The following IQCB1 variants were observed in gnomAD, a reference collection of about 807,000 sequenced individuals.
IQCB1 encodes IQ calmodulin-binding motif-containing protein 1.
In IQCB1, 56 loss-of-function variants were observed where a neutral mutation model predicts 84.4. That is an observed-to-expected ratio of 0.66 (90% confidence interval 0.54 to 0.83). The LOEUF (loss-of-function observed/expected upper bound fraction) is 0.83, where lower values mean the gene tolerates loss of function less well. Among genes scored for constraint, IQCB1 ranks in the 40% least tolerant of loss-of-function variants. The pLI, the probability that IQCB1 is intolerant of heterozygous loss-of-function variation, is 0.00. For missense variants in IQCB1, 629 were observed against 682.1 expected (o/e 0.92, Z 0.87); for synonymous variants, 210 against 234.8 (o/e 0.89, Z 0.96).
intron 8 of IQCB1, 121 bp from the exon 9 acceptor site, chr3:121,797,348 A>G (rs561526500): frequency 1.9e-6 from 1 of 534,382 alleles, no homozygotes; most frequent in African/African-American, 2.0e-5. Flanking sequence ...AACAAGATTA[A>G]TCATATGATT....
chr3:121,794,594 A>G (rs1949107466), intron 10 of IQCB1, among the ~76,000 whole-genome samples: 1 of 152,102 alleles, frequency 6.6e-6, no homozygotes, highest in African/African-American at 2.4e-5. Flanking sequence ...AATATTTAAA[A>G]TCCATCTTTA....
intron 5 of IQCB1, among the ~76,000 whole-genome samples, chr3:121,810,591 T>G: frequency 6.6e-6 from 1 of 151,732 alleles, no homozygotes; most frequent in East Asian, 1.9e-4. Context: ...TATTAATACA[T>G]AATTTTAATA....
intron 10 of IQCB1, among the ~76,000 whole-genome samples, chr3:121,790,586 C>T (rs1948925352): frequency 6.6e-6 from 1 of 152,140 alleles, no homozygotes; most frequent in Admixed American, 6.5e-5. Flanking sequence ...AACTTTGTCT[C>T]ACAACAGCGA....
At chr3:121,798,040 A>G (rs749636751) in intron 8 of IQCB1, among the ~76,000 whole-genome samples, 6 of 152,008 alleles carry the variant, frequency 3.9e-5, no homozygotes, top group Non-Finnish European at 7.4e-5. Flanking sequence ...CTATTGAGAT[A>G]TAAGTCAAAG....
At chr3:121,814,239 G>T (rs1033549420) in intron 5 of IQCB1, among the ~76,000 whole-genome samples, 3 of 152,140 alleles carry the variant, frequency 2.0e-5, no homozygotes, top group Admixed American at 2.0e-4. Flanking sequence ...GACACAATGT[G>T]CCAGAATCTC....
intron 12 of IQCB1, among the ~76,000 whole-genome samples, chr3:121,783,870 A>C (rs1948604372): frequency 6.6e-6 from 1 of 152,098 alleles, no homozygotes; most frequent in Non-Finnish European, 1.5e-5. Context: ...TTAATTAATA[A>C]TTTGGTTGGG....
intron 13 of IQCB1, among the ~76,000 whole-genome samples, chr3:121,775,144 AC>A (rs1320895360): frequency 6.6e-6 from 1 of 152,104 alleles, no homozygotes; most frequent in Non-Finnish European, 1.5e-5. Flanking sequence ...TCTTCATTCT[AC>A]CTCTGCTCAC....
intron 11 of IQCB1, 21 bp from the exon 12 acceptor site, chr3:121,788,453 A>G: frequency 6.2e-7 from 1 of 1,605,674 alleles, no homozygotes; most frequent in Non-Finnish European, 8.5e-7. Context: ...GATAGACACT[A>G]TTACAACATA....
At chr3:121,822,044 A>G (rs183975969) in intron 5 of IQCB1, among the ~76,000 whole-genome samples, 145 of 152,348 alleles carry the variant, frequency 9.5e-4, no homozygotes, top group African/African-American at 3.4e-3. Context: ...TTGGGACATC[A>G]GTATTTCCTG....
intron 5 of IQCB1, among the ~76,000 whole-genome samples, chr3:121,816,539 T>C (rs566437211): frequency 2.6e-4 from 40 of 151,690 alleles, no homozygotes; most frequent in African/African-American, 9.2e-4. Context: ...AGGTCAAATA[T>C]CAAGAATCTA....
chr3:121,804,539 A>G (rs1949534387), intron 7 of IQCB1, among the ~76,000 whole-genome samples: 1 of 152,016 alleles, frequency 6.6e-6, no homozygotes, highest in Non-Finnish European at 1.5e-5. Flanking sequence ...TTCAGTATTC[A>G]ACTGTCTTTT....
At chr3:121,818,096 C>T (rs1016352131) in intron 5 of IQCB1, among the ~76,000 whole-genome samples, 2 of 152,150 alleles carry the variant, frequency 1.3e-5, no homozygotes, top group African/African-American at 4.8e-5. Flanking sequence ...AGTCAAGTGA[C>T]TGAGTTATTA....
intron 13 of IQCB1, among the ~76,000 whole-genome samples, chr3:121,773,313 TA>T (rs57716745): frequency 0.35 from 36,354 of 103,794 alleles, 5,723 homozygotes; most frequent in East Asian, 0.65. Context: ...GACTCTGCCT[TA>T]AAAAAAAAAA....
In IQCB1 at chr3:121,781,520, A is replaced by G. The variant is rs1227423763; in HGVS notation, c.1410+223T>C. 7.9e-5 allele frequency among the ~76,000 whole-genome samples: 12 copies of G among 152,152 alleles called. 1 individual carries two copies. Among genetic ancestry groups the G allele is most frequent in the Admixed American group, 7.9e-4 (12 of 15,276 alleles). ...CATAGTATGGGAAAAAACTGATTTA[A>G]AGCAGAGTCTCCTTCACTACTGACT... On this transcript the variant is annotated intron_variant, in intron 13 of 14. Transcript: ENST00000310864.
chr3:121,773,630 C>T (rs1314918426), intron 13 of IQCB1, among the ~76,000 whole-genome samples: 3 of 152,144 alleles, frequency 2.0e-5, no homozygotes, highest in African/African-American at 7.2e-5. Context: ...GGATATGACC[C>T]TGTTCCACTA....
chr3:121,802,855 ATGT>A (rs1180255795), intron 7 of IQCB1, among the ~76,000 whole-genome samples: 2 of 152,156 alleles, frequency 1.3e-5, no homozygotes, highest in African/African-American at 4.8e-5. Context: ...AGAAATTCTC[ATGT>A]TGTTTTTATT....
intron 5 of IQCB1, among the ~76,000 whole-genome samples, chr3:121,809,806 T>G (rs1007224481): frequency 2.6e-5 from 4 of 152,064 alleles, no homozygotes; most frequent in Admixed American, 6.6e-5. Flanking sequence ...CCTGAATGTT[T>G]GTACTATAGC....
intron 5 of IQCB1, among the ~76,000 whole-genome samples, chr3:121,815,191 C>T (rs185682834): frequency 9.9e-5 from 15 of 152,162 alleles, no homozygotes; most frequent in East Asian, 1.9e-4. Flanking sequence ...CAGAAAAGGC[C>T]GCCAATAAAA....
intron 13 of IQCB1, among the ~76,000 whole-genome samples, chr3:121,781,152 G>T (rs750907958): frequency 1.3e-5 from 2 of 152,260 alleles, no homozygotes; most frequent in Non-Finnish European, 2.9e-5. Flanking sequence ...TATTCCCAAG[G>T]CAGAAAGGGA....
Sources: allele counts gnomAD v4.1 joint callset (sites outside exome capture counted in the v4.1 genomes callset), GRCh38; gene constraint gnomAD v4.1.1; transcripts MANE v1.5; gene names NCBI Gene and HGNC (gene_info 2026-07-23, HGNC 2026-07-21).